Variants in NOS3 observed in about 807,000 individuals in gnomAD.
The protein encoded by NOS3 is NOS type III.
A neutral mutation model predicts 144.9 loss-of-function variants in NOS3; 98 were observed. The observed-to-expected ratio is 0.68, with a 90% CI of 0.57 to 0.80. The LOEUF (loss-of-function observed/expected upper bound fraction) is 0.80, where lower values mean the gene tolerates loss of function less well. Among genes scored for constraint, NOS3 ranks in the 30% least tolerant of loss-of-function variants. NOS3 has a pLI of 0.00. For missense variants in NOS3, 1,465 were observed against 1,656.4 expected (o/e 0.88, Z 2.01); for synonymous variants, 714 against 702.4 (o/e 1.02, Z -0.26).
Position 151,001,976 on chromosome 7 carries a change from G to A in NOS3, c.1647+11G>A, listed in dbSNP as rs1173213783. ...GCTTTTGATCCCCGGGTAGGGCTGA[G>A]CCCAGGGGAGCAGGGAGCTAGAAAG... On this transcript the variant is annotated intron_variant, in intron 13 of 26. Coordinates refer to ENST00000297494, the MANE Select transcript of NOS3 (RefSeq NM_000603.5). 6.2e-6 allele frequency: 10 copies of A among 1,612,894 alleles called. No homozygotes were observed. The highest frequency in any genetic ancestry group is 8.5e-6 in the Non-Finnish European group (10 of 1,179,782).
chr7:151,008,233 G>A (rs1047928447), intron 17 of NOS3, among the ~76,000 whole-genome samples: 4 of 151,296 alleles, frequency 2.6e-5, no homozygotes, highest in African/African-American at 9.8e-5. Flanking sequence ...AGGGAGGGAG[G>A]GGCCGAGGAA....
At chr7:151,012,996 C>A (rs958995034) in intron 24 of NOS3, 3 of 546,414 alleles carry the variant, frequency 5.5e-6, no homozygotes, top group Non-Finnish European at 9.6e-6. Flanking sequence ...CGCATTCTAG[C>A]GCAGCTCCAC....
Position 151,007,189 on chromosome 7 carries a change from C to T in NOS3, c.2025C>T (p.Gly675=), listed in dbSNP as rs140717927. The T allele has an allele frequency of 4.9e-4, 796 of 1,612,922 alleles. No individual in the cohort carries two copies. The highest frequency in any genetic ancestry group is 5.8e-4 in the Non-Finnish European group (687 of 1,179,856). Residue 675 remains glycine (G), a synonymous_variant, in exon 17 of 27, where the codon GGC becomes GGT. Transcript: ENST00000297494. ...TGGACACACGGCTGGAGGAACTGGG[C>T]GGGGAGCGGCTGCTGCAGCTGGGCC... is the stretch of plus-strand genomic sequence containing the variant. ...RAVDTRLEEL[G]GERLLQLGQG...
At chr7:150,994,093 G>T in intron 2 of NOS3, 132 bp downstream of exon 2, 6 of 979,338 alleles carry the variant, frequency 6.1e-6, no homozygotes, top group Non-Finnish European at 9.1e-6. Context: ...GGCTATTAAT[G>T]TGCATAGAAC....
In NOS3 at chr7:151,003,042, A is replaced by T. The variant is rs190696356; in HGVS notation, c.1752+738A>T. On this transcript the variant is annotated intron_variant, in intron 14 of 26. Coordinates refer to ENST00000297494, the MANE Select transcript of NOS3 (RefSeq NM_000603.5). This position sits in a 1 kb window ranked among gnomAD's most constrained non-coding sequence, Gnocchi z 4.1. ...AGCTTAGGTATCTCTGAGGTGCCCC[A>T]GGCTAGGCTCATTTCTGAGTCTTAC... 8 of 330,736 alleles carry T rather than the reference A, an allele frequency of 2.4e-5. No individual in the cohort carries two copies. The East Asian group carries it at 7.8e-4, about 32-fold the overall frequency. 20.5% of individuals were successfully genotyped at this position (330,736 alleles called of 1,614,324 possible).
chr7:151,000,999 A>G (rs1040456020), intron 10 of NOS3, among the ~76,000 whole-genome samples: 1 of 152,158 alleles, frequency 6.6e-6, no homozygotes, highest in African/African-American at 2.4e-5. Context: ...TTTGGGGACC[A>G]GGCATGCAGA....
Position 150,998,602 on chromosome 7 carries a change from C to G in NOS3, c.738C>G (p.Ser246Arg). 1 of 1,608,680 alleles carries G rather than the reference C, an allele frequency of 6.2e-7. No individual in the cohort carries two copies. The highest frequency in any genetic ancestry group is 1.1e-5 in the South Asian group (1 of 90,232). Reference sequence around the variant, plus strand: ...GAGGAGACTTCCGAATCTGGAACAGCCAGCTGGTGCGCTACGCGGGCTACC... The same window carrying G: ...GAGGAGACTTCCGAATCTGGAACAGGCAGCTGGTGCGCTACGCGGGCTACC... Reference protein sequence around the residue: ...PGRGDFRIWNSQLVRYAGYRQ... With the variant: ...PGRGDFRIWNRQLVRYAGYRQ... Residue 246 changes from serine (S) to arginine (R), a missense_variant, in exon 7 of 27, where the codon AGC becomes AGG. Physicochemically the swap from Ser to Arg is moderately radical, Grantham distance 110. Coordinates refer to ENST00000297494, the MANE Select transcript of NOS3 (RefSeq NM_000603.5). This position sits in a 1 kb window ranked among gnomAD's most constrained non-coding sequence, Gnocchi z 5.0.
rs1258034176 is a variant in NOS3 at position 150,995,276 on chromosome 7, A to G, written c.232A>G (p.Ser78Gly). The G allele has an allele frequency of 8.1e-6, 13 of 1,611,440 alleles. No individual in the cohort carries two copies. Among genetic ancestry groups the G allele is most frequent in the African/African-American group, 1.3e-5 (1 of 74,932 alleles). Residue 78 changes from serine to glycine, a missense_variant, in exon 3 of 27, where the codon AGC becomes GGC. Ser to Gly is a moderately conservative substitution (Grantham distance 56). Around this residue, in one of 5 missense-constraint regions of NOS3, gnomAD observed 374 missense variants for 377.0 expected, o/e 0.99. Transcript: ENST00000297494. ...TCGTGTGAAGAACTGGGAGGTGGGGAGCATCACCTATGACACCCTCAGCGC... is the reference window on the plus strand; with the variant it reads ...TCGTGTGAAGAACTGGGAGGTGGGGGGCATCACCTATGACACCCTCAGCGC... ...FPRVKNWEVGSITYDTLSAQA... is the reference protein window; with the variant it reads ...FPRVKNWEVGGITYDTLSAQA...
Position 151,003,779 on chromosome 7 carries a change from G to A in NOS3, c.1752+1475G>A, listed in dbSNP as rs545958670. ...CTGAGGCTGTTTTTGAGGCGCACTC[G>A]TGTTGCTGCGTGACTCAGTATTTCA... On this transcript the variant is annotated intron_variant, in intron 14 of 26. Coordinates refer to ENST00000297494, the MANE Select transcript of NOS3 (RefSeq NM_000603.5). This position sits in a 1 kb window ranked among gnomAD's most constrained non-coding sequence, Gnocchi z 4.1. The A allele has an allele frequency of 1.9e-5, 9 of 467,872 alleles. No individual in the cohort carries two copies. The highest frequency in any genetic ancestry group is 8.0e-5 in the African/African-American group (4 of 49,866). 29.0% of individuals were successfully genotyped at this position (467,872 alleles called of 1,614,324 possible). A position where few individuals can be genotyped will look rare whatever the true frequency, so the allele number is the denominator to read the frequency against.
intron 14 of NOS3, among the ~76,000 whole-genome samples, chr7:151,004,962 A>G (rs1382022461): frequency 6.6e-6 from 1 of 152,108 alleles, no homozygotes; most frequent in Non-Finnish European, 1.5e-5. Flanking sequence ...GGTTCAAGCG[A>G]TTCTCCTGCC....
Position 150,999,213 on chromosome 7 carries a change from G to A in NOS3, c.980G>A (p.Gly327Asp). The A allele has an allele frequency of 6.2e-7, 1 of 1,610,986 alleles. No individual in the cohort carries two copies. Among genetic ancestry groups the A allele is most frequent in the Non-Finnish European group, 8.5e-7 (1 of 1,179,324 alleles). Residue 327 changes from glycine (G) to aspartate (D), a missense_variant, in exon 9 of 27, where the codon GGC (glycine) becomes GAC (aspartate). Gly to Asp is a moderately conservative substitution (Grantham distance 94). This residue lies in a region of NOS3 where 745 missense variants were observed against 853.9 expected (regional missense o/e 0.87). Coordinates refer to ENST00000297494, the MANE Select transcript of NOS3 (RefSeq NM_000603.5). The stretch of plus-strand genomic sequence containing the variant: ...AGGCTGGAGTGGTTTGCAGCCCTGG[G>A]CCTGCGCTGGTACGCCCTCCCGGCA... Reference protein sequence around the residue: ...HPTLEWFAALGLRWYALPAVS... With the variant: ...HPTLEWFAALDLRWYALPAVS...
intron 14 of NOS3, 93 bp from the exon 15 acceptor site, chr7:151,006,333 CA>C (rs1451524621): frequency 1.1e-6 from 1 of 875,100 alleles, no homozygotes; most frequent in Non-Finnish European, 1.8e-6. Flanking sequence ...AGTTACAAAT[CA>C]ATAATAATGA....
intron 14 of NOS3, 51 bp from the exon 15 acceptor site, chr7:151,006,376 T>C (rs1228577183): frequency 7.8e-7 from 1 of 1,275,696 alleles, no homozygotes; most frequent in African/African-American, 1.5e-5. Flanking sequence ...AACTTCTATG[T>C]AGTTTGAAAT....
chr7:150,999,518 T>C (rs1270468504), intron 9 of NOS3, among the ~76,000 whole-genome samples, 154 bp downstream of exon 9: 2 of 151,604 alleles, frequency 1.3e-5, no homozygotes, highest in African/African-American at 4.9e-5. Flanking sequence ...CTAGAACCAC[T>C]GAAGCAAAGG....
At chr7:151,010,371 A>G in intron 21 of NOS3, 84 bp downstream of exon 21, 6 of 1,345,276 alleles carry the variant, frequency 4.5e-6, no homozygotes, top group Middle Eastern at 2.4e-4. Context: ...CCCCCATGCA[A>G]AGTCCCCCCT....
chr7:151,013,930 CG>C lies in NOS3; in HGVS notation c.3450+15del. On this transcript the variant is annotated intron_variant, in intron 26 of 26. Coordinates refer to ENST00000297494, the MANE Select transcript of NOS3 (RefSeq NM_000603.5). ...TCGGCGTGCTGCGGGTGCGGAGGGG[CG>C]GGCCGGGCCTGAGCGTGCGGGGTTC... 2 of 1,596,894 alleles carry C rather than the reference CG, an allele frequency of 1.3e-6. No individual in the cohort carries two copies. The highest frequency in any genetic ancestry group is 1.7e-6 in the Non-Finnish European group (2 of 1,171,818).
chr7:150,998,942 A>C lies in NOS3; in HGVS notation c.817-4A>C, dbSNP rs1289049222. The C allele has an allele frequency of 6.2e-7, 1 of 1,610,384 alleles. No homozygotes were observed. The highest frequency in any genetic ancestry group is 1.3e-5 in the African/African-American group (1 of 74,746). On this transcript the variant is annotated splice_region_variant and splice_polypyrimidine_tract_variant and intron_variant, in intron 7 of 26. Coordinates refer to ENST00000297494, the MANE Select transcript of NOS3 (RefSeq NM_000603.5). The surrounding 1 kb of genome is among the most constrained non-coding windows in gnomAD (Gnocchi z 5.0). ...CAGAACCCCCTCTGGCCCACTCCCC[A>C]CAGCTCTGCATTCAGCACGGCTGGA...
Position 151,001,813 on chromosome 7 carries a change from TC to T in NOS3, c.1503-5del, listed in dbSNP as rs1301853043. ...CCCAGGACACCCTCACACCTTCCTC[TC>T]CCGCAGCGCCGTGAAGATCTCCGCC... On this transcript the variant is annotated splice_region_variant and splice_polypyrimidine_tract_variant and intron_variant, in intron 12 of 26. Transcript: ENST00000297494. 1.2e-6 allele frequency: 2 copies of T among 1,613,532 alleles called. No homozygotes were observed. Among genetic ancestry groups the T allele is most frequent in the South Asian group, 2.2e-5 (2 of 91,074 alleles).
At chr7:151,005,508 A>G (rs986547868) in intron 14 of NOS3, among the ~76,000 whole-genome samples, 1 of 152,096 alleles carries the variant, frequency 6.6e-6, no homozygotes, top group African/African-American at 2.4e-5. Flanking sequence ...CACCCATGAA[A>G]TCCACTAAAA....
Sources: gnomAD v4.1 joint callset for allele counts (sites outside exome capture counted in the v4.1 genomes callset) on GRCh38, gnomAD v4.1.1 for gene constraint, gnomAD v4.1.1 regional missense constraint, Gnocchi (gnomAD v3.1) non-coding constraint, MANE v1.5 for transcripts, NCBI Gene and HGNC (gene_info 2026-07-23, HGNC 2026-07-21) for gene names.